The following ADGRL3 variants were observed in gnomAD, a reference collection of about 807,000 sequenced individuals.
ADGRL3 encodes the protein adhesion G protein-coupled receptor L3, also known as calcium-independent alpha-latrotoxin receptor 3.
ADGRL3 carries 62 observed loss-of-function variants against 153.5 expected under a neutral mutation model. The observed-to-expected ratio is 0.40, with a 90% CI of 0.33 to 0.50. ADGRL3 has a LOEUF of 0.50. Among genes scored for constraint, ADGRL3 ranks in the 20% least tolerant of loss-of-function variants. ADGRL3 has a pLI of 0.47. For synonymous variants in ADGRL3, 710 were observed against 672.5 expected (o/e 1.06, Z -0.86); for missense variants, 1,641 against 1,859.4 (o/e 0.88, Z 2.16).
intron 4 of ADGRL3, among the ~76,000 whole-genome samples, chr4:61,541,994 C>T (rs2098692480): frequency 3.3e-5 from 5 of 152,088 alleles, no homozygotes; most frequent in Admixed American, 3.3e-4. Context: ...CCAATTTATC[C>T]ACACTTTAAC....
chr4:61,845,455 A>G (rs1176087611), intron 9 of ADGRL3, among the ~76,000 whole-genome samples: 2 of 151,916 alleles, frequency 1.3e-5, no homozygotes, highest in African/African-American at 4.8e-5. Flanking sequence ...GGCTCAAGCC[A>G]TCCTTACACC....
At chr4:61,825,615 A>C (rs2097793410) in intron 9 of ADGRL3, among the ~76,000 whole-genome samples, 5 of 152,182 alleles carry the variant, frequency 3.3e-5, no homozygotes, top group Admixed American at 2.6e-4. Flanking sequence ...TTACAGTCTT[A>C]TGTAAAACTA....
chr4:61,569,212 A>G (rs1418291745), intron 4 of ADGRL3, among the ~76,000 whole-genome samples: 3 of 152,176 alleles, frequency 2.0e-5, no homozygotes, highest in South Asian at 2.1e-4. Context: ...GTGCTTTTTC[A>G]TAATACATGT....
chr4:62,069,934 A>G (rs531704832), intron 26 of ADGRL3, among the ~76,000 whole-genome samples, 175 bp from the exon 27 acceptor site: 3 of 152,202 alleles, frequency 2.0e-5, no homozygotes, highest in Non-Finnish European at 4.4e-5. Flanking sequence ...GTCCAATTAT[A>G]CACATATATA....
intron 8 of ADGRL3, among the ~76,000 whole-genome samples, chr4:61,750,784 C>T (rs1450736311): frequency 1.8e-5 from 2 of 109,492 alleles, no homozygotes; most frequent in African/African-American, 5.6e-5. Context: ...AGCGAGACTC[C>T]GTCTCAAAAA....
intron 5 of ADGRL3, among the ~76,000 whole-genome samples, chr4:61,611,788 G>T (rs1466798918): frequency 6.6e-6 from 1 of 152,014 alleles, no homozygotes; most frequent in Non-Finnish European, 1.5e-5. Flanking sequence ...GGGTGTGGTG[G>T]TGTGTGCCTA....
chr4:61,379,472 C>T (rs989883939), intron 1 of ADGRL3, among the ~76,000 whole-genome samples: 2 of 152,006 alleles, frequency 1.3e-5, no homozygotes, highest in Non-Finnish European at 2.9e-5. Flanking sequence ...GATACTCCAT[C>T]ATAAAAATTT....
At chr4:61,878,768 A>C (rs1348096478) in intron 9 of ADGRL3, among the ~76,000 whole-genome samples, 2 of 152,176 alleles carry the variant, frequency 1.3e-5, no homozygotes, top group Non-Finnish European at 2.9e-5. Context: ...CTCTGTCTTC[A>C]TGGTGCTTTT....
intron 1 of ADGRL3, among the ~76,000 whole-genome samples, chr4:61,308,319 A>C (rs2094875858): frequency 6.6e-6 from 1 of 152,198 alleles, no homozygotes; most frequent in Non-Finnish European, 1.5e-5. Flanking sequence ...TGAGAATGGA[A>C]GGGTTGCTGG....
intron 8 of ADGRL3, among the ~76,000 whole-genome samples, chr4:61,812,007 T>TA (rs1371542635): frequency 1.3e-5 from 2 of 152,250 alleles, no homozygotes; most frequent in African/African-American, 2.4e-5. Flanking sequence ...ATATTGTAGT[T>TA]ACGATATTTA....
Position 61,709,428 on chromosome 4 carries a change from T to A in ADGRL3, c.584-21194T>A, listed in dbSNP as rs147478048. On this transcript the variant is annotated intron_variant, in intron 6 of 26. Coordinates refer to ENST00000683033, the MANE Select transcript of ADGRL3 (RefSeq NM_001387552.1). ...TTTATGTTTACCATTGATCCTTCAG[T>A]CATGTTAATCATTTTGCATATAATA... 2.5e-3 allele frequency among the ~76,000 whole-genome samples: 383 copies of A among 152,230 alleles called. 5 individuals carry two copies. Among genetic ancestry groups the A allele is most frequent in the African/African-American group, 8.4e-3 (348 of 41,566 alleles).
chr4:61,366,765 AC>A (rs1320379136), intron 1 of ADGRL3, among the ~76,000 whole-genome samples: 1 of 152,072 alleles, frequency 6.6e-6, no homozygotes, highest in African/African-American at 2.4e-5. Context: ...AAGTTAGTTG[AC>A]CTTTTAAGCT....
chr4:61,769,952 C>T (rs905718076), intron 8 of ADGRL3, among the ~76,000 whole-genome samples: 10 of 152,182 alleles, frequency 6.6e-5, no homozygotes, highest in African/African-American at 2.4e-4. Flanking sequence ...TCTTTAGTTA[C>T]TTCAGGCCAT....
intron 17 of ADGRL3, among the ~76,000 whole-genome samples, chr4:61,968,405 C>CT (rs2099014535): frequency 6.6e-6 from 1 of 152,094 alleles, no homozygotes; most frequent in African/African-American, 2.4e-5. Flanking sequence ...TTTAGAGAAA[C>CT]ATCATTTACA....
chr4:61,621,529 A>G (rs1382220483), intron 5 of ADGRL3, among the ~76,000 whole-genome samples: 1 of 152,174 alleles, frequency 6.6e-6, no homozygotes, highest in Non-Finnish European at 1.5e-5. Context: ...TTTTTAATTA[A>G]TGAATGTTTA....
intron 5 of ADGRL3, among the ~76,000 whole-genome samples, chr4:61,625,447 C>A (rs1472530219): frequency 6.6e-6 from 1 of 152,000 alleles, no homozygotes; most frequent in East Asian, 1.9e-4. Flanking sequence ...TATATGCACA[C>A]ATGTATATAC....
At chr4:61,424,813 A>G (rs573097535) in intron 2 of ADGRL3, among the ~76,000 whole-genome samples, 5 of 152,244 alleles carry the variant, frequency 3.3e-5, no homozygotes, top group Non-Finnish European at 5.9e-5. Flanking sequence ...CTGTGTTTCT[A>G]CAGTAATGAC....
chr4:61,848,870 A>G (rs2098168779), intron 9 of ADGRL3, among the ~76,000 whole-genome samples: 1 of 152,122 alleles, frequency 6.6e-6, no homozygotes, highest in Non-Finnish European at 1.5e-5. Flanking sequence ...AGGATTTTCT[A>G]AGATTTGCTA....
chr4:61,463,167 A>G (rs556911697), intron 2 of ADGRL3, among the ~76,000 whole-genome samples: 1 of 152,292 alleles, frequency 6.6e-6, no homozygotes, highest in East Asian at 1.9e-4. Context: ...TAGTTATACT[A>G]AAATGCATTT....
Sources: gnomAD v4.1 joint callset for allele counts (sites outside exome capture counted in the v4.1 genomes callset) on GRCh38, gnomAD v4.1.1 for gene constraint, MANE v1.5 for transcripts, NCBI Gene and HGNC (gene_info 2026-07-23, HGNC 2026-07-21) for gene names.